XPO7: variants seen among roughly 807,000 people sequenced by gnomAD.
XPO7 encodes the protein exportin-7.
Under a neutral mutation model 144.3 loss-of-function variants are expected in XPO7, and 21 were observed. The ratio of observed to expected loss-of-function variants is 0.15; its 90% CI spans 0.10 to 0.21. XPO7 has a LOEUF of 0.21. XPO7 is among the 10% of genes least tolerant of loss of function. The probability of loss-of-function intolerance (pLI) is 1.00; values close to 1 mark genes in which losing one functional copy is unlikely to be tolerated. For synonymous variants in XPO7, 580 were observed against 499.6 expected (o/e 1.16, Z -2.15); for missense variants, 808 against 1,325.8 (o/e 0.61, Z 6.06).
At position 21,999,211 on chromosome 8, in the gene XPO7, T is replaced by G; in HGVS notation, c.2549T>G (p.Phe850Cys). ...KAALSGSYVN[F>C]GVFRLYGDDA... ...GCTCTCAGTGGGAGTTACGTCAATT[T>G]CGGAGTCTTTCGTCTCTATGGAGAC... The change falls in exon 23 of 28, where the codon TTC (phenylalanine) becomes TGC (cysteine). Residue 850 changes from phenylalanine to cysteine, a missense_variant. By Grantham distance (205) the Phe-to-Cys change is radical. Around this residue, in one of 5 missense-constraint regions of XPO7, gnomAD observed 416 missense variants for 612.5 expected, o/e 0.68. Coordinates refer to ENST00000252512, the MANE Select transcript of XPO7 (RefSeq NM_015024.5). 1 of 1,613,982 alleles carries G rather than the reference T, an allele frequency of 6.2e-7. No homozygotes were observed.
intron 9 of XPO7, 55 bp downstream of exon 9, chr8:21,980,258 A>G: frequency 6.6e-7 from 1 of 1,520,358 alleles, no homozygotes. Flanking sequence ...GCCAGCTGTT[A>G]TGAGTCAGAA....
chr8:22,003,178 T>G (rs2117411523), intron 25 of XPO7, 41 bp from the exon 26 acceptor site: 1 of 1,509,288 alleles, frequency 6.6e-7, no homozygotes, highest in East Asian at 2.3e-5. Flanking sequence ...TGGGTAGCAA[T>G]ACATTAGGTC....
intron 18 of XPO7, among the ~76,000 whole-genome samples, chr8:21,991,382 C>T (rs1005158291): frequency 1.3e-5 from 2 of 152,140 alleles, no homozygotes; most frequent in Non-Finnish European, 2.9e-5. Flanking sequence ...AACTAAAGCT[C>T]AGTGGTATTA....
chr8:21,970,538 T>C (rs1427155274), intron 4 of XPO7, among the ~76,000 whole-genome samples: 1 of 152,222 alleles, frequency 6.6e-6, no homozygotes, highest in Non-Finnish European at 1.5e-5. Context: ...TTCAAATTCC[T>C]ACATATGGTC....
At chr8:21,966,835 T>G in intron 1 of XPO7, 22 bp from the exon 2 acceptor site, 1 of 1,605,314 alleles carries the variant, frequency 6.2e-7, no homozygotes, top group Non-Finnish European at 8.5e-7. Context: ...AACTGTTTTC[T>G]TTCCTGACTG....
intron 1 of XPO7, among the ~76,000 whole-genome samples, chr8:21,927,829 G>GCCACCGCACCTGGCTGAC (rs1248419806): frequency 1.3e-5 from 2 of 152,178 alleles, no homozygotes; most frequent in Non-Finnish European, 2.9e-5. Flanking sequence ...ACAGGCGTGA[G>GCCACCGCACCTGGCTGAC]CCACCGCACC....
intron 12 of XPO7, among the ~76,000 whole-genome samples, chr8:21,985,251 CAG>C (rs1812541935): frequency 6.6e-6 from 1 of 152,208 alleles, no homozygotes; most frequent in African/African-American, 2.4e-5. Context: ...CCAGGGGAAA[CAG>C]GGAGATAAGT....
At chr8:21,941,582 A>T (rs1291124652) in intron 1 of XPO7, among the ~76,000 whole-genome samples, 3 of 152,182 alleles carry the variant, frequency 2.0e-5, no homozygotes, top group African/African-American at 7.2e-5. Context: ...TTCAGTACAG[A>T]CAGACAAAAT....
At chr8:21,984,870 CCT>C in intron 12 of XPO7, 31 bp downstream of exon 12, 1 of 1,608,304 alleles carries the variant, frequency 6.2e-7, no homozygotes, top group Non-Finnish European at 8.5e-7. Context: ...GAACTCTAGA[CCT>C]GTGAGGAGAT....
chr8:21,993,704 T>A (rs1172547971), intron 19 of XPO7, among the ~76,000 whole-genome samples: 2 of 152,136 alleles, frequency 1.3e-5, no homozygotes, highest in Non-Finnish European at 2.9e-5. Flanking sequence ...TCTCTTTTTC[T>A]GCAAATGGAG....
chr8:21,989,278 G>A (rs1323804901), intron 16 of XPO7, among the ~76,000 whole-genome samples, 195 bp downstream of exon 16: 1 of 152,196 alleles, frequency 6.6e-6, no homozygotes, highest in Non-Finnish European at 1.5e-5. Context: ...AAAATGAGCT[G>A]ACACCCAACC....
chr8:21,979,936 T>A (rs1442391846), intron 8 of XPO7, 148 bp from the exon 9 acceptor site: 1 of 1,028,826 alleles, frequency 9.7e-7, no homozygotes, highest in Non-Finnish European at 1.3e-6. Context: ...CGTGGTCTGC[T>A]TGGATCTATG....
intron 26 of XPO7, 149 bp downstream of exon 26, chr8:22,003,466 C>T (rs1456832070): frequency 6.3e-6 from 4 of 630,286 alleles, no homozygotes; most frequent in African/African-American, 3.7e-5. Context: ...CCCATTTGTG[C>T]TTTCAGTATC....
At chr8:21,974,033 G>C (rs1812148145) in intron 5 of XPO7, among the ~76,000 whole-genome samples, 1 of 151,642 alleles carries the variant, frequency 6.6e-6, no homozygotes, top group Non-Finnish European at 1.5e-5. Context: ...TTTTTGTTTT[G>C]AGTTTTGCTT....
intron 1 of XPO7, among the ~76,000 whole-genome samples, chr8:21,954,527 G>A (rs968825231): frequency 3.3e-5 from 5 of 152,018 alleles, no homozygotes; most frequent in African/African-American, 1.2e-4. Context: ...CCAGCTACTC[G>A]GGAGGCTAAG....
chr8:21,969,427 C>G, intron 2 of XPO7, 56 bp from the exon 3 acceptor site: 2 of 1,464,232 alleles, frequency 1.4e-6, no homozygotes, highest in Non-Finnish European at 1.9e-6. Context: ...AGTTAAAAAC[C>G]TTGTGACTGG....
chr8:21,974,911 C>A, intron 6 of XPO7, 137 bp downstream of exon 6: 1 of 686,532 alleles, frequency 1.5e-6, no homozygotes, highest in Non-Finnish European at 2.3e-6. Flanking sequence ...TTATATAAGA[C>A]TCATAGAGGC....
At chr8:21,997,050 C>A (rs144077980) in intron 21 of XPO7, among the ~76,000 whole-genome samples, 1 of 152,114 alleles carries the variant, frequency 6.6e-6, no homozygotes, top group Non-Finnish European at 1.5e-5. Context: ...TGAGGTGATC[C>A]GCCCACTTCA....
At chr8:21,950,941 A>G (rs1243889882) in intron 1 of XPO7, among the ~76,000 whole-genome samples, 2 of 151,750 alleles carry the variant, frequency 1.3e-5, no homozygotes, top group African/African-American at 4.8e-5. Flanking sequence ...GGCCAACATA[A>G]CAAAACCTCG....
Sources: gnomAD v4.1 joint callset for allele counts (sites outside exome capture counted in the v4.1 genomes callset) on GRCh38, gnomAD v4.1.1 for gene constraint, gnomAD v4.1.1 regional missense constraint, MANE v1.5 for transcripts, NCBI Gene and HGNC (gene_info 2026-07-23, HGNC 2026-07-21) for gene names.